Variants in FAM20A observed in about 807,000 individuals in gnomAD.
FAM20A encodes the protein FAM20A golgi associated secretory pathway pseudokinase.
Under a neutral mutation model 52.0 loss-of-function variants are expected in FAM20A, and 42 were observed. The observed-to-expected ratio is 0.81, with a 90% CI of 0.63 to 1.04. The LOEUF (loss-of-function observed/expected upper bound fraction) is 1.04, where lower values mean the gene tolerates loss of function less well. FAM20A is among the 50% of genes least tolerant of loss of function. The pLI, the probability that FAM20A is intolerant of heterozygous loss-of-function variation, is 0.00. For missense variants in FAM20A, 742 were observed against 712.7 expected (o/e 1.04, Z -0.47); for synonymous variants, 304 against 298.9 (o/e 1.02, Z -0.18).
At chr17:68,594,464 C>T (rs550666877) in intron 1 of FAM20A, among the ~76,000 whole-genome samples, 1 of 152,248 alleles carries the variant, frequency 6.6e-6, no homozygotes, top group Non-Finnish European at 1.5e-5. Flanking sequence ...TACCACAAAC[C>T]TAGTAACTTA....
rs2088584134 is a variant in FAM20A, at chr17:68,600,369, G to C, written c.298C>G (p.Leu100Val). ...GGCGGCTCCTCCGGGACGTTGTACA[G>C]CGGGTGGGCGAAGAGGGCCTGCAAC... is the stretch of plus-strand genomic sequence containing the variant. Reference protein sequence around the residue: ...SKLQALFAHPLYNVPEEPPLL... With the variant: ...SKLQALFAHPVYNVPEEPPLL... The change falls in exon 1 of 11, where the codon CTG becomes GTG. Residue 100 changes from leucine to valine, a missense_variant. Leu to Val is a conservative substitution (Grantham distance 32). Coordinates refer to ENST00000592554, the MANE Select transcript of FAM20A (RefSeq NM_017565.4). The surrounding 1 kb of genome is among the most constrained non-coding windows in gnomAD (Gnocchi z 6.2). 6.2e-7 allele frequency: 1 copy of C among 1,604,954 alleles called. No individual in the cohort carries two copies.
At chr17:68,551,837 C>A in intron 4 of FAM20A, 36 bp downstream of exon 4, 7 of 1,508,750 alleles carry the variant, frequency 4.6e-6, no homozygotes, top group South Asian at 2.4e-5. Context: ...AGGGCCACCC[C>A]AACTGGGTGT....
At position 68,539,753 on chromosome 17, in the gene FAM20A, G is replaced by A. The variant is rs555583174; in HGVS notation, c.1301+132C>T. 86 of 812,656 alleles carry A rather than the reference G, an allele frequency of 1.1e-4. 2 individuals carry two copies. In the South Asian group the frequency reaches 1.2e-3, roughly 11 times the overall value. The allele number at this position is 812,656 out of a possible 1,614,324, so 50.3% of individuals were successfully genotyped here. ...GAGAAAGAAGGAAATGGAAGAAGCC[G>A]GGCTCGAAGGAGACAAGGCACGTGG... On this transcript the variant is annotated intron_variant, in intron 9 of 10. Transcript: ENST00000592554.
intron 3 of FAM20A, among the ~76,000 whole-genome samples, chr17:68,553,165 G>A (rs907447595): frequency 7.2e-5 from 11 of 152,040 alleles, no homozygotes; most frequent in African/African-American, 1.9e-4. Context: ...GAGTTCTCAC[G>A]AGATCTCATG....
rs1440840830 is a variant in FAM20A, at chr17:68,542,490, C to T, written c.928+204G>A. 4.6e-5 allele frequency among the ~76,000 whole-genome samples: 7 copies of T among 152,096 alleles called. No individual in the cohort carries two copies. The East Asian group carries it at 1.3e-3, about 29-fold the overall frequency. Reference sequence around the variant, plus strand: ...GTCAATGCCCACACAGACTAGGTAGCATCTCAAACACAACCTTTCCCATCC... The same window carrying T: ...GTCAATGCCCACACAGACTAGGTAGTATCTCAAACACAACCTTTCCCATCC... On this transcript the variant is annotated intron_variant, in intron 6 of 10. Transcript: ENST00000592554.
chr17:68,569,791 C>G (rs1043802194), intron 1 of FAM20A, among the ~76,000 whole-genome samples: 1 of 152,184 alleles, frequency 6.6e-6, no homozygotes, highest in Non-Finnish European at 1.5e-5. Flanking sequence ...ACAGCCATAT[C>G]CTTGGCCTGG....
intron 1 of FAM20A, among the ~76,000 whole-genome samples, chr17:68,591,292 G>A (rs1236915105): frequency 6.6e-6 from 1 of 152,102 alleles, no homozygotes; most frequent in Non-Finnish European, 1.5e-5. Flanking sequence ...GTAGAGACGG[G>A]GTTTCACCGT....
rs1184985442 is a variant in FAM20A at position 68,600,912 on chromosome 17, C to T, written c.-246G>A. ...GCGTCGCTTCTCCGCGCCGAGTGAG[C>T]CGAGGGAATGGGGTTCCCGGGGTGC... On this transcript the variant is annotated 5_prime_UTR_variant, in exon 1 of 11. Coordinates refer to ENST00000592554, the MANE Select transcript of FAM20A (RefSeq NM_017565.4). This position sits in a 1 kb window ranked among gnomAD's most constrained non-coding sequence, Gnocchi z 6.2. 5 of 482,006 alleles carry T rather than the reference C, an allele frequency of 1.0e-5. No individual in the cohort carries two copies. Among genetic ancestry groups the T allele is most frequent in the Admixed American group, 4.1e-5 (1 of 24,348 alleles). 29.9% of individuals were successfully genotyped at this position (482,006 alleles called of 1,614,324 possible).
At chr17:68,543,807 A>G (rs540343612) in intron 4 of FAM20A, 86 bp from the exon 5 acceptor site, 2 of 1,185,140 alleles carry the variant, frequency 1.7e-6, no homozygotes, top group South Asian at 2.4e-5. Context: ...CCAGCGAGAA[A>G]GGAAAACGGG....
intron 5 of FAM20A, among the ~76,000 whole-genome samples, chr17:68,543,215 G>A (rs1250737035): frequency 1.3e-5 from 2 of 152,084 alleles, no homozygotes; most frequent in African/African-American, 4.8e-5. Context: ...TGCCCATGAC[G>A]CTACAGACCA....
chr17:68,549,563 A>G (rs1381730085), intron 4 of FAM20A, among the ~76,000 whole-genome samples: 1 of 151,112 alleles, frequency 6.6e-6, no homozygotes, highest in Non-Finnish European at 1.5e-5. Context: ...AACAGAATCT[A>G]TGGACCTGGT....
At chr17:68,598,042 C>T (rs963288447) in intron 1 of FAM20A, 1 of 145,126 alleles carries the variant, frequency 6.9e-6, no homozygotes, top group Non-Finnish European at 1.5e-5. Context: ...GTTTCACTGT[C>T]ACCTAAGCTG....
intron 1 of FAM20A, among the ~76,000 whole-genome samples, chr17:68,577,381 A>G (rs2087803598): frequency 6.6e-6 from 1 of 152,284 alleles, no homozygotes; most frequent in Non-Finnish European, 1.5e-5. Context: ...TTGCAGCTGC[A>G]GAATCTCCCT....
intron 1 of FAM20A, among the ~76,000 whole-genome samples, chr17:68,579,455 C>G (rs2087880812): frequency 6.6e-6 from 1 of 152,034 alleles, no homozygotes; most frequent in Non-Finnish European, 1.5e-5. Flanking sequence ...GCCAACCAAA[C>G]AGAAAAGAGG....
chr17:68,570,874 A>G (rs1439201050), intron 1 of FAM20A, among the ~76,000 whole-genome samples: 1 of 152,184 alleles, frequency 6.6e-6, no homozygotes, highest in Non-Finnish European at 1.5e-5. Context: ...GAGAGCTCAT[A>G]CTGAGGTCTC....
chr17:68,590,764 A>G (rs1270540987), intron 1 of FAM20A, among the ~76,000 whole-genome samples: 1 of 152,194 alleles, frequency 6.6e-6, no homozygotes, highest in African/African-American at 2.4e-5. Flanking sequence ...CCACCCTGTC[A>G]GTCTGCATTT....
At position 68,554,212 on chromosome 17, in the gene FAM20A, A is replaced by C. The variant is rs574563665; in HGVS notation, c.640+565T>G. ...GTGGCACGATCTCAGTTCACTGCAA[A>C]CTCCACCTCCCAGGTTCAAGTGAAT... On this transcript the variant is annotated intron_variant, in intron 3 of 10. Coordinates refer to ENST00000592554, the MANE Select transcript of FAM20A (RefSeq NM_017565.4). Among the ~76,000 whole-genome samples, 4 of 151,774 alleles carry C rather than the reference A, an allele frequency of 2.6e-5. No homozygotes were observed. In the East Asian group the frequency reaches 7.7e-4, roughly 29 times the overall value.
At chr17:68,543,936 G>C (rs755699154) in intron 4 of FAM20A, among the ~76,000 whole-genome samples, 1 of 152,208 alleles carries the variant, frequency 6.6e-6, no homozygotes, top group Non-Finnish European at 1.5e-5. Context: ...GCAAGACACT[G>C]TCCTGCAGGC....
intron 1 of FAM20A, among the ~76,000 whole-genome samples, chr17:68,586,044 G>A (rs1418255769): frequency 6.6e-6 from 1 of 152,134 alleles, no homozygotes; most frequent in African/African-American, 2.4e-5. Context: ...GACATGGTTG[G>A]TGGCTCCTCC....
Sources: allele counts gnomAD v4.1 joint callset (sites outside exome capture counted in the v4.1 genomes callset), GRCh38; gene constraint gnomAD v4.1.1; non-coding constraint Gnocchi (gnomAD v3.1); transcripts MANE v1.5; gene names NCBI Gene and HGNC (gene_info 2026-07-23, HGNC 2026-07-21).